The following PIK3C2A variants were observed in gnomAD, a reference collection of about 807,000 sequenced individuals.
The protein encoded by PIK3C2A is phosphatidylinositol-4-phosphate 3-kinase catalytic subunit type 2 alpha.
In PIK3C2A, 97 loss-of-function variants were observed where a neutral mutation model predicts 204.5. The observed-to-expected ratio is 0.47, with a 90% confidence interval of 0.40 to 0.56. The LOEUF is 0.56. PIK3C2A is among the 20% of genes least tolerant of loss of function. The pLI is 0.00. For missense variants in PIK3C2A, 1,735 were observed against 1,969.2 expected (o/e 0.88, Z 2.25); for synonymous variants, 653 against 664.4 (o/e 0.98, Z 0.26).
At chr11:17,104,576 T>G (rs897778127) in intron 23 of PIK3C2A, among the ~76,000 whole-genome samples, 2 of 151,678 alleles carry the variant, frequency 1.3e-5, no homozygotes, top group African/African-American at 4.8e-5. Context: ...ATACAAAAAA[T>G]TGCCTGGGCG....
intron 11 of PIK3C2A, 55 bp downstream of exon 11, chr11:17,134,764 G>A: frequency 1.5e-6 from 2 of 1,335,074 alleles, no homozygotes; most frequent in South Asian, 1.2e-5. Context: ...GCCTCACAAA[G>A]CCTTGGGATT....
At chr11:17,158,636 AT>A (rs1850679849) in intron 2 of PIK3C2A, among the ~76,000 whole-genome samples, 1 of 151,986 alleles carries the variant, frequency 6.6e-6, no homozygotes, top group South Asian at 2.1e-4. Flanking sequence ...TAAAAACACA[AT>A]GTGAAAAACA....
rs1848196091 is a variant in PIK3C2A at position 17,087,870 on chromosome 11, C to CCAT, written c.*1867_*1868insATG. 1.3e-5 allele frequency: 2 copies of CCAT among 152,174 alleles called. No individual in the cohort carries two copies. The highest frequency in any genetic ancestry group is 2.9e-5 in the Non-Finnish European group (2 of 68,034). The allele number at this position is 152,174 out of a possible 1,614,324, so 9.4% of individuals were successfully genotyped here. A position where few individuals can be genotyped will look rare whatever the true frequency, so the allele number is the denominator to read the frequency against. ...TTAAAAAAGACATTCATATACCATA[C>CCAT]TCATGGGTTTAACTACATATGGACC... On this transcript the variant is annotated 3_prime_UTR_variant, in exon 33 of 33. Coordinates refer to ENST00000691414, the MANE Select transcript of PIK3C2A (RefSeq NM_002645.4).
chr11:17,178,823 G>A (rs1269490804), intron 1 of PIK3C2A, among the ~76,000 whole-genome samples: 5 of 147,918 alleles, frequency 3.4e-5, no homozygotes, highest in Admixed American at 2.1e-4. Context: ...TCCGCTTCCC[G>A]GGTTCACGCC....
chr11:17,148,925 T>C (rs1850341152), intron 4 of PIK3C2A, 138 bp from the exon 5 acceptor site: 2 of 568,622 alleles, frequency 3.5e-6, no homozygotes, highest in South Asian at 1.1e-4. Flanking sequence ...TAATTTTAAA[T>C]TTTCTAGTTG....
At chr11:17,111,782 CAGG>C (rs938569761) in intron 21 of PIK3C2A, among the ~76,000 whole-genome samples, 1 of 147,544 alleles carries the variant, frequency 6.8e-6, no homozygotes, top group East Asian at 2.0e-4. Flanking sequence ...GAGGCTGAAG[CAGG>C]AGAACTGCAT....
chr11:17,135,690 T>C (rs1849848945), intron 9 of PIK3C2A, among the ~76,000 whole-genome samples: 1 of 148,382 alleles, frequency 6.7e-6, no homozygotes. Flanking sequence ...TGTGTGTGTG[T>C]GTGTGTGTGT....
chr11:17,146,558 C>CA lies in PIK3C2A; in HGVS notation c.1561-617dup, dbSNP rs1256685151. Among the ~76,000 whole-genome samples the CA allele has an allele frequency of 5.4e-3, 753 of 139,354 alleles. 4 individuals are homozygous for CA. Among genetic ancestry groups the CA allele is most frequent in the African/African-American group, 0.015 (563 of 38,460 alleles). 91.4% of individuals were successfully genotyped at this position (139,354 alleles called of 152,430 possible). ...CAAAAACCCGTCTCTACTAAAAATA[C>CA]AAAAAAAAAAAAATTAGCTGGGTGG... On this transcript the variant is annotated intron_variant, in intron 6 of 32. Transcript: ENST00000691414.
intron 2 of PIK3C2A, among the ~76,000 whole-genome samples, chr11:17,164,205 A>G (rs1016815438): frequency 6.6e-6 from 1 of 152,130 alleles, no homozygotes; most frequent in Non-Finnish European, 1.5e-5. Context: ...CAAAAAAATT[A>G]GCTGGGTGTG....
chr11:17,130,730 C>G (rs1849664451), intron 12 of PIK3C2A, among the ~76,000 whole-genome samples: 1 of 147,726 alleles, frequency 6.8e-6, no homozygotes, highest in South Asian at 2.1e-4. Context: ...TCACTTGAAC[C>G]CGGGAAGCTG....
In PIK3C2A at chr11:17,114,393, G is replaced by T. The variant is rs1849109095; in HGVS notation, c.3289C>A (p.Pro1097Thr). ...QKNKCRLPLK[P>T]SLVAKELNIK... is the part of the protein sequence containing the mutation. Reference sequence around the variant, plus strand: ...TTTAATTCTTTTGCCACTAGACTTGGCTTGAGAGGGAGACGGCATTTATTT... The same window carrying T: ...TTTAATTCTTTTGCCACTAGACTTGTCTTGAGAGGGAGACGGCATTTATTT... The change falls in exon 20 of 33, where the codon CCA (proline) becomes ACA (threonine). Residue 1097 changes from proline to threonine, a missense_variant. Around this residue, in one of 6 missense-constraint regions of PIK3C2A, gnomAD observed 567 missense variants for 576.0 expected, o/e 0.98. Coordinates refer to ENST00000691414, the MANE Select transcript of PIK3C2A (RefSeq NM_002645.4). 7.0e-6 allele frequency: 11 copies of T among 1,578,016 alleles called. No individual in the cohort carries two copies. Among genetic ancestry groups the T allele is most frequent in the Non-Finnish European group, 9.6e-6 (11 of 1,147,444 alleles).
chr11:17,136,439 C>A, intron 9 of PIK3C2A, 43 bp downstream of exon 9: 1 of 1,458,112 alleles, frequency 6.9e-7, no homozygotes, highest in Non-Finnish European at 9.6e-7. Context: ...TGTTTAAGTA[C>A]ATATTTGCAT....
At chr11:17,178,335 A>AT (rs1851410150) in intron 1 of PIK3C2A, among the ~76,000 whole-genome samples, 1 of 152,122 alleles carries the variant, frequency 6.6e-6, no homozygotes, top group Non-Finnish European at 1.5e-5. Context: ...TCAGCAGACA[A>AT]AGGTATCTAG....
chr11:17,132,378 G>A (rs1430869630), intron 11 of PIK3C2A, among the ~76,000 whole-genome samples: 4 of 145,992 alleles, frequency 2.7e-5, no homozygotes, highest in East Asian at 2.0e-4. Context: ...GACGGACTGC[G>A]GACTGCAGTG....
intron 2 of PIK3C2A, among the ~76,000 whole-genome samples, chr11:17,156,945 G>C (rs1850615353): frequency 2.6e-5 from 4 of 152,024 alleles, no homozygotes; most frequent in African/African-American, 9.7e-5. Flanking sequence ...TTCGAGGCCA[G>C]CCCAAGCAAC....
chr11:17,112,689 A>G (rs1849039447), intron 20 of PIK3C2A, 23 bp from the exon 21 acceptor site: 1 of 1,233,170 alleles, frequency 8.1e-7, no homozygotes, highest in East Asian at 2.6e-5. Flanking sequence ...CATGTTAAGC[A>G]TTAGAAAGAT....
At chr11:17,122,892 A>G (rs181540367) in intron 13 of PIK3C2A, 79 bp from the exon 14 acceptor site, 2 of 651,108 alleles carry the variant, frequency 3.1e-6, no homozygotes, top group East Asian at 2.7e-5. Flanking sequence ...AATGAATTTG[A>G]AAAGTTAGTA....
At chr11:17,181,491 G>A (rs779169192) in intron 1 of PIK3C2A, among the ~76,000 whole-genome samples, 30 of 151,322 alleles carry the variant, frequency 2.0e-4, no homozygotes, top group African/African-American at 6.8e-4. Flanking sequence ...CACGTAAGGC[G>A]CTGGGTGTGG....
At chr11:17,192,092 C>T (rs1024054682) in intron 1 of PIK3C2A, among the ~76,000 whole-genome samples, 4 of 152,144 alleles carry the variant, frequency 2.6e-5, no homozygotes, top group African/African-American at 7.2e-5. Context: ...TTGCAGCAAG[C>T]GGAGATCGCA....
Sources: allele counts gnomAD v4.1 joint callset (sites outside exome capture counted in the v4.1 genomes callset), GRCh38; gene constraint gnomAD v4.1.1; regional missense constraint gnomAD v4.1.1; transcripts MANE v1.5; gene names NCBI Gene and HGNC (gene_info 2026-07-23, HGNC 2026-07-21).